PHLPP1: variants seen among roughly 807,000 people sequenced by gnomAD.
PHLPP1 encodes the protein PH domain leucine-rich repeat-containing protein phosphatase 1.
Under a neutral mutation model 117.2 loss-of-function variants are expected in PHLPP1, and 42 were observed. That is an observed-to-expected ratio of 0.36 (90% CI 0.28 to 0.46). The LOEUF (loss-of-function observed/expected upper bound fraction) is 0.46, where lower values mean the gene tolerates loss of function less well. Ranked by LOEUF, PHLPP1 falls within the 20% of genes least tolerant of loss-of-function variation. PHLPP1 has a pLI of 1.00. For synonymous variants in PHLPP1, 1,042 were observed against 970.7 expected, an observed-to-expected ratio of 1.07 and a Z score of -1.37; for missense variants, 2,084 against 2,241.9, an observed-to-expected ratio of 0.93 and a Z score of 1.42.
At chr18:62,899,087 A>G (rs1916650034) in intron 6 of PHLPP1, among the ~76,000 whole-genome samples, 1 of 152,204 alleles carries the variant, frequency 6.6e-6, no homozygotes, top group Admixed American at 6.5e-5. Flanking sequence ...GCCATGAGCC[A>G]CTGCGCCTGG....
intron 3 of PHLPP1, among the ~76,000 whole-genome samples, chr18:62,858,580 G>A (rs972052770): frequency 6.6e-6 from 1 of 152,070 alleles, no homozygotes; most frequent in Non-Finnish European, 1.5e-5. Context: ...ACATATCTTA[G>A]GCAGATTTAC....
At chr18:62,741,609 G>C (rs1349262857) in intron 1 of PHLPP1, among the ~76,000 whole-genome samples, 1 of 151,812 alleles carries the variant, frequency 6.6e-6, no homozygotes, top group Non-Finnish European at 1.5e-5. Flanking sequence ...TTAACAAGAA[G>C]GTCCTTGCCC....
chr18:62,720,362 C>T (rs1240195960), intron 1 of PHLPP1, among the ~76,000 whole-genome samples: 3 of 152,044 alleles, frequency 2.0e-5, no homozygotes, highest in Admixed American at 6.6e-5. Flanking sequence ...AATTTCTGTT[C>T]GAATTTTAGT....
At chr18:62,760,534 C>CGTTTACCA (rs1326904265) in intron 1 of PHLPP1, among the ~76,000 whole-genome samples, 3 of 152,146 alleles carry the variant, frequency 2.0e-5, no homozygotes, top group Non-Finnish European at 4.4e-5. Context: ...CTGGTTTCAC[C>CGTTTACCA]GTTTACCAGT....
intron 2 of PHLPP1, among the ~76,000 whole-genome samples, chr18:62,831,977 T>A (rs550432905): frequency 3.9e-5 from 6 of 152,328 alleles, no homozygotes; most frequent in South Asian, 2.1e-4. Flanking sequence ...TATACTAAGA[T>A]TTTGCCCTGT....
chr18:62,786,352 CTTG>C (rs1166873878), intron 1 of PHLPP1, among the ~76,000 whole-genome samples: 1 of 152,174 alleles, frequency 6.6e-6, no homozygotes, highest in Non-Finnish European at 1.5e-5. Flanking sequence ...TTATCACCAT[CTTG>C]TTGTAGTATC....
In PHLPP1 at chr18:62,972,726, T is replaced by G; in HGVS notation, c.3755+18T>G. 1 of 1,554,454 alleles carries G rather than the reference T, an allele frequency of 6.4e-7. No individual in the cohort carries two copies. The highest frequency in any genetic ancestry group is 1.4e-5 in the African/African-American group (1 of 73,958). The stretch of plus-strand genomic sequence containing the variant: ...ATGCAAAGGTAAAACTCAGAGTTCC[T>G]GCTTACCTGCTGTGTGTTTTCTTGC... On this transcript the variant is annotated intron_variant, in intron 15 of 16. Coordinates refer to ENST00000262719, the MANE Select transcript of PHLPP1 (RefSeq NM_194449.4).
intron 2 of PHLPP1, chr18:62,838,355 G>A (rs1381624103): frequency 6.5e-6 from 1 of 153,240 alleles, no homozygotes; most frequent in Non-Finnish European, 1.5e-5. Flanking sequence ...TCTCATGGTA[G>A]GGTTTTATTA....
chr18:62,867,904 C>G (rs1177671140), intron 4 of PHLPP1, among the ~76,000 whole-genome samples: 1 of 152,128 alleles, frequency 6.6e-6, no homozygotes, highest in East Asian at 1.9e-4. Flanking sequence ...CTCCGCCTCC[C>G]AGATTCACGC....
chr18:62,784,758 C>A (rs1249808518), intron 1 of PHLPP1, among the ~76,000 whole-genome samples: 1 of 152,194 alleles, frequency 6.6e-6, no homozygotes, highest in African/African-American at 2.4e-5. Flanking sequence ...GTTTCACTGA[C>A]ACTTAAATCA....
At chr18:62,812,376 A>G (rs968930720) in intron 1 of PHLPP1, among the ~76,000 whole-genome samples, 1 of 152,202 alleles carries the variant, frequency 6.6e-6, no homozygotes, top group Non-Finnish European at 1.5e-5. Context: ...GGAGCTGTCT[A>G]GCGTCATCAT....
intron 1 of PHLPP1, among the ~76,000 whole-genome samples, chr18:62,820,741 C>T (rs548197174): frequency 3.3e-5 from 5 of 152,290 alleles, no homozygotes; most frequent in Admixed American, 6.5e-5. Context: ...ATAAATTACC[C>T]AGTCTCAGGC....
intron 1 of PHLPP1, among the ~76,000 whole-genome samples, chr18:62,780,035 C>CT (rs553433466): frequency 3.7e-4 from 57 of 152,166 alleles, no homozygotes; most frequent in African/African-American, 1.3e-3. Flanking sequence ...AAATGTTAGT[C>CT]TTTTTTTAAC....
chr18:62,746,430 A>G (rs992167953), intron 1 of PHLPP1, among the ~76,000 whole-genome samples: 9 of 152,204 alleles, frequency 5.9e-5, no homozygotes, highest in East Asian at 1.9e-4. Context: ...TACTTCGGCA[A>G]TTTGCTTTTC....
chr18:62,965,266 C>T (rs974695172), intron 14 of PHLPP1, among the ~76,000 whole-genome samples: 1 of 152,004 alleles, frequency 6.6e-6, no homozygotes, highest in African/African-American at 2.4e-5. Flanking sequence ...TATTTAAACA[C>T]AGAGTTTGCT....
At position 62,941,874 on chromosome 18, in the gene PHLPP1, G is replaced by C. The variant is rs968394999; in HGVS notation, c.3117G>C (p.Lys1039Asn). Reference sequence around the variant, plus strand: ...TGTTAACGGGACACCCCCATTTGAAGATCCTTCACATGGCCTATAACCGAC... The same window carrying C: ...TGTTAACGGGACACCCCCATTTGAACATCCTTCACATGGCCTATAACCGAC... ...VPLLTGHPHLKILHMAYNRLQ... is the reference protein window; with the variant it reads ...VPLLTGHPHLNILHMAYNRLQ... Residue 1039 changes from lysine to asparagine, a missense_variant, in exon 11 of 17, where the codon AAG (lysine) becomes AAC (asparagine). Physicochemically the swap from Lys to Asn is moderately conservative, Grantham distance 94. This residue lies in a region of PHLPP1 where 1,365 missense variants were observed against 1,605.9 expected (regional missense o/e 0.85). Transcript: ENST00000262719. The C allele has an allele frequency of 7.4e-6, 12 of 1,613,926 alleles. No individual in the cohort carries two copies. The highest frequency in any genetic ancestry group is 1.0e-5 in the Non-Finnish European group (12 of 1,179,884).
chr18:62,906,396 G>C (rs1432528854), intron 8 of PHLPP1: 2 of 150,632 alleles, frequency 1.3e-5, no homozygotes, highest in African/African-American at 2.5e-5. Context: ...CTGAGGTACC[G>C]GGTTCATCTC....
intron 3 of PHLPP1, chr18:62,839,579 C>T (rs1170538799): frequency 5.3e-5 from 8 of 151,390 alleles, no homozygotes. Context: ...ATTAGCCAGG[C>T]ATGATGGTAC....
chr18:62,770,570 T>G (rs1912728376), intron 1 of PHLPP1, among the ~76,000 whole-genome samples: 1 of 152,246 alleles, frequency 6.6e-6, no homozygotes, highest in Admixed American at 6.5e-5. Flanking sequence ...ACACCATACA[T>G]TCTTTTTGCA....
Sources: gnomAD v4.1 joint callset for allele counts (sites outside exome capture counted in the v4.1 genomes callset) on GRCh38, gnomAD v4.1.1 for gene constraint, gnomAD v4.1.1 regional missense constraint, MANE v1.5 for transcripts, NCBI Gene and HGNC (gene_info 2026-07-23, HGNC 2026-07-21) for gene names.